EN2: variants seen among roughly 807,000 people sequenced by gnomAD.
EN2 encodes homeobox protein engrailed-2.
In EN2, 7 loss-of-function variants were observed where a neutral mutation model predicts 25.0. The ratio of observed to expected loss-of-function variants is 0.28; its 90% CI spans 0.16 to 0.53. The LOEUF (loss-of-function observed/expected upper bound fraction) is 0.53. Among genes scored for constraint, EN2 ranks in the 20% least tolerant of loss-of-function variants. The pLI is 0.96. For missense variants in EN2, 524 were observed against 501.8 expected, an observed-to-expected ratio of 1.04 and a Z score of -0.42; for synonymous variants, 277 against 243.3, an observed-to-expected ratio of 1.14 and a Z score of -1.29.
intron 1 of EN2, among the ~76,000 whole-genome samples, chr7:155,459,390 C>G (rs986985149): frequency 6.6e-6 from 1 of 152,240 alleles, no homozygotes; most frequent in Non-Finnish European, 1.5e-5. Context: ...TTCCCAGCCC[C>G]TAGCCCATGT....
At chr7:155,460,279 G>A (rs1450052031) in intron 1 of EN2, among the ~76,000 whole-genome samples, 2 of 152,238 alleles carry the variant, frequency 1.3e-5, no homozygotes, top group Non-Finnish European at 2.9e-5. Context: ...AGTTCGCTGA[G>A]CCAGCCCCCA....
chr7:155,460,843 G>A (rs905267694), intron 1 of EN2, among the ~76,000 whole-genome samples: 8 of 152,218 alleles, frequency 5.3e-5, no homozygotes, highest in Non-Finnish European at 1.2e-4. Flanking sequence ...TGTGCATGGG[G>A]TGGGTGCCCA....
rs1795712952 is a variant in EN2, at chr7:155,462,865, T to G, written c.*178T>G. 8.3e-6 allele frequency: 6 copies of G among 723,682 alleles called. No individual in the cohort carries two copies. Among genetic ancestry groups the G allele is most frequent in the Non-Finnish European group, 1.2e-5 (6 of 494,792 alleles). The allele number at this position is 723,682 out of a possible 1,614,324, so 44.8% of individuals were successfully genotyped here. A position where few individuals can be genotyped will look rare whatever the true frequency, so the allele number is the denominator to read the frequency against. ...TACAGGTGGTATAAAATCCAAAATA[T>G]CTGACTATAAAATATTTTTTTGAGT... On this transcript the variant is annotated 3_prime_UTR_variant, in exon 2 of 2. Coordinates refer to ENST00000297375, the MANE Select transcript of EN2 (RefSeq NM_001427.4).
intron 1 of EN2, among the ~76,000 whole-genome samples, chr7:155,461,027 C>A (rs1795688958): frequency 6.6e-6 from 1 of 152,164 alleles, no homozygotes; most frequent in Non-Finnish European, 1.5e-5. Context: ...CCCTGGGCCT[C>A]CAGTTCGTCC....
In EN2 at chr7:155,458,832, G is replaced by A. The variant is rs1795660954; in HGVS notation, c.455G>A (p.Gly152Asp). The change falls in exon 1 of 2, where the codon GGT (glycine) becomes GAT (aspartate). Residue 152 changes from glycine to aspartate, a missense_variant. Gly to Asp is a moderately conservative substitution (Grantham distance 94). Coordinates refer to ENST00000297375, the MANE Select transcript of EN2 (RefSeq NM_001427.4). ...CCAGCCGCCGGCAGCGACTCTCCGG[G>A]TGACGGGGAAGGCGGCTCCAAGACG... is the stretch of plus-strand genomic sequence containing the variant. ...PLPAAGSDSP[G>D]DGEGGSKTLS... is the part of the protein sequence containing the mutation. The A allele has an allele frequency of 3.4e-6, 5 of 1,460,958 alleles. No individual in the cohort carries two copies. Among genetic ancestry groups the A allele is most frequent in the Non-Finnish European group, 4.5e-6 (5 of 1,116,982 alleles). 90.5% of individuals were successfully genotyped at this position (1,460,958 alleles called of 1,614,324 possible). A position where few individuals can be genotyped will look rare whatever the true frequency, so the allele number is the denominator to read the frequency against.
Position 155,463,946 on chromosome 7 carries a change from T to A in EN2, c.*1259T>A, listed in dbSNP as rs886236467. On this transcript the variant is annotated 3_prime_UTR_variant, in exon 2 of 2. Transcript: ENST00000297375. ...GTGGCTGCTTCTGCTATAGAGAACA[T>A]TCTTCCAAGATAAATATGTGTGTTT... 2 of 152,040 alleles carry A rather than the reference T, an allele frequency of 1.3e-5. No homozygotes were observed. The highest frequency in any genetic ancestry group is 2.9e-5 in the Non-Finnish European group (2 of 68,012). The allele number at this position is 152,040 out of a possible 1,614,324, so 9.4% of individuals were successfully genotyped here.
In EN2 at chr7:155,459,070, C is replaced by T. The variant is rs750578105; in HGVS notation, c.685+8C>T. The T allele has an allele frequency of 2.5e-4, 397 of 1,568,196 alleles. 2 individuals carry two copies. Among genetic ancestry groups the T allele is most frequent in the Non-Finnish European group, 1.2e-4 (144 of 1,166,724 alleles). On this transcript the variant is annotated splice_region_variant and intron_variant, in intron 1 of 1. Transcript: ENST00000297375. ...CGGACCGGCCTTCTTCAGGTGAGCC[C>T]GCGGGGACCACGCGTCCCGGCTCGC...
intron 1 of EN2, 57 bp from the exon 2 acceptor site, chr7:155,462,314 A>C: frequency 1.3e-6 from 2 of 1,534,542 alleles, no homozygotes; most frequent in Non-Finnish European, 1.7e-6. Flanking sequence ...CCCGGTGCCT[A>C]TTGGGTGGCA....
At position 155,458,977 on chromosome 7, in the gene EN2, G is replaced by T. The variant is rs80239010; in HGVS notation, c.600G>T (p.Ser200=). The T allele has an allele frequency of 5.2e-6, 8 of 1,544,978 alleles. No individual in the cohort carries two copies. The highest frequency in any genetic ancestry group is 1.2e-5 in the South Asian group (1 of 85,186). ...DLSVSSDSDS[S]QAGANLGAQP... ...CGGTGAGCTCGGACTCGGACAGCTC[G>T]CAAGCCGGCGCCAACCTGGGCGCGC... The change falls in exon 1 of 2, where the codon TCG becomes TCT. Residue 200 remains serine, a synonymous_variant. Coordinates refer to ENST00000297375, the MANE Select transcript of EN2 (RefSeq NM_001427.4).
At chr7:155,460,259 G>A (rs1259111114) in intron 1 of EN2, among the ~76,000 whole-genome samples, 1 of 152,168 alleles carries the variant, frequency 6.6e-6, no homozygotes, top group East Asian at 1.9e-4. Flanking sequence ...CGGGCTTTGT[G>A]CGGCGCGGGA....
At chr7:155,460,895 G>C (rs1795687471) in intron 1 of EN2, among the ~76,000 whole-genome samples, 1 of 152,200 alleles carries the variant, frequency 6.6e-6, no homozygotes, top group African/African-American at 2.4e-5. Context: ...GCCTGCCTAT[G>C]GGTTGCTTTA....
intron 1 of EN2, among the ~76,000 whole-genome samples, chr7:155,460,591 C>G (rs1342653836): frequency 2.6e-5 from 4 of 152,194 alleles, no homozygotes; most frequent in East Asian, 1.9e-4. Context: ...AGTGCATTAA[C>G]AAGAGCCCCA....
intron 1 of EN2, among the ~76,000 whole-genome samples, chr7:155,460,436 A>G (rs1204373266): frequency 6.6e-6 from 1 of 152,218 alleles, no homozygotes; most frequent in Non-Finnish European, 1.5e-5. Flanking sequence ...AAGGGGAGAG[A>G]GAGTTTTCTT....
In EN2 at chr7:155,458,989, C is replaced by A; in HGVS notation, c.612C>A (p.Ala204=). Residue 204 remains alanine, a synonymous_variant, in exon 1 of 2, where the codon GCC becomes GCA. Coordinates refer to ENST00000297375, the MANE Select transcript of EN2 (RefSeq NM_001427.4). ...ACTCGGACAGCTCGCAAGCCGGCGC[C>A]AACCTGGGCGCGCAGCCCATGCTCT... The part of the protein sequence containing the change: ...SSDSDSSQAG[A]NLGAQPMLWP... 6.4e-7 allele frequency: 1 copy of A among 1,558,208 alleles called. No homozygotes were observed. Among genetic ancestry groups the A allele is most frequent in the East Asian group, 2.5e-5 (1 of 40,734 alleles).
At chr7:155,462,042 AG>A (rs1403653666) in intron 1 of EN2, among the ~76,000 whole-genome samples, 4 of 152,254 alleles carry the variant, frequency 2.6e-5, no homozygotes. Context: ...AGAAAGGACT[AG>A]GAAAAACCAG....
intron 1 of EN2, among the ~76,000 whole-genome samples, chr7:155,459,947 A>G (rs1440396412): frequency 6.6e-6 from 1 of 152,330 alleles, no homozygotes; most frequent in African/African-American, 2.4e-5. Context: ...GAAATCATCA[A>G]CTGCATTCCA....
At chr7:155,460,265 C>A (rs930995507) in intron 1 of EN2, among the ~76,000 whole-genome samples, 1 of 152,204 alleles carries the variant, frequency 6.6e-6, no homozygotes, top group African/African-American at 2.4e-5. Flanking sequence ...TTGTGCGGCG[C>A]GGGAGTTCGC....
In EN2 at chr7:155,458,360, G is replaced by A; in HGVS notation, c.-18G>A. The A allele has an allele frequency of 1.5e-6, 2 of 1,291,092 alleles. No individual in the cohort carries two copies. Among genetic ancestry groups the A allele is most frequent in the Non-Finnish European group, 2.0e-6 (2 of 1,012,914 alleles). 80.0% of individuals were successfully genotyped at this position (1,291,092 alleles called of 1,614,324 possible). ...AGGGCGTCCCCGGAGAACCAGTGTG[G>A]GATTTACTGTGAACAGCATGGAGGA... On this transcript the variant is annotated 5_prime_UTR_variant, in exon 1 of 2. Transcript: ENST00000297375.
chr7:155,462,392 A>G lies in EN2; in HGVS notation c.707A>G (p.Lys236Arg). The G allele has an allele frequency of 6.2e-7, 1 of 1,610,374 alleles. No individual in the cohort carries two copies. Among genetic ancestry groups the G allele is most frequent in the Non-Finnish European group, 8.5e-7 (1 of 1,178,812 alleles). ...CCAGGTCCCAGGTCTCGAAAACCAAAGAAGAAGAACCCGAACAAAGAGGAC... is the reference window on the plus strand; with the variant it reads ...CCAGGTCCCAGGTCTCGAAAACCAAGGAAGAAGAACCCGAACAAAGAGGAC... ...PSSGPRSRKP[K>R]KKNPNKEDKR... Residue 236 changes from lysine (K) to arginine (R), a missense_variant, in exon 2 of 2, where the codon AAG becomes AGG. Physicochemically the swap from Lys to Arg is conservative, Grantham distance 26. Coordinates refer to ENST00000297375, the MANE Select transcript of EN2 (RefSeq NM_001427.4).
Sources: gnomAD v4.1 joint callset for allele counts (sites outside exome capture counted in the v4.1 genomes callset) on GRCh38, gnomAD v4.1.1 for gene constraint, MANE v1.5 for transcripts, NCBI Gene and HGNC (gene_info 2026-07-23, HGNC 2026-07-21) for gene names.